Variants in TSPAN5 observed in about 807,000 individuals in gnomAD.
TSPAN5 encodes the protein tetraspanin 5.
A neutral mutation model predicts 37.1 loss-of-function variants in TSPAN5; 10 were observed. The ratio of observed to expected loss-of-function variants is 0.27; its 90% CI spans 0.17 to 0.46. The LOEUF (loss-of-function observed/expected upper bound fraction) is 0.46. Among genes scored for constraint, TSPAN5 ranks in the 20% least tolerant of loss-of-function variants. The pLI is 1.00. For missense variants in TSPAN5, 195 were observed against 326.6 expected, an observed-to-expected ratio of 0.60 and a Z score of 3.11; for synonymous variants, 110 against 118.9, an observed-to-expected ratio of 0.93 and a Z score of 0.48.
chr4:98,628,432 T>A (rs1756657759), intron 1 of TSPAN5, among the ~76,000 whole-genome samples: 2 of 152,234 alleles, frequency 1.3e-5, no homozygotes, highest in Admixed American at 6.5e-5. Context: ...CCTACTTTCC[T>A]CTGTAATGTG....
At chr4:98,635,584 T>C (rs1036693751) in intron 1 of TSPAN5, among the ~76,000 whole-genome samples, 1 of 152,212 alleles carries the variant, frequency 6.6e-6, no homozygotes, top group Non-Finnish European at 1.5e-5. Flanking sequence ...CGATTTATCC[T>C]TTAGAAGACA....
intron 1 of TSPAN5, among the ~76,000 whole-genome samples, chr4:98,554,523 C>T (rs973700894): frequency 6.6e-6 from 1 of 152,194 alleles, no homozygotes; most frequent in Non-Finnish European, 1.5e-5. Context: ...CCATTGTACA[C>T]AATCATCATT....
At chr4:98,543,837 T>A (rs1004165791) in intron 1 of TSPAN5, among the ~76,000 whole-genome samples, 10 of 152,136 alleles carry the variant, frequency 6.6e-5, no homozygotes, top group African/African-American at 2.4e-4. Flanking sequence ...GACATTTGAT[T>A]TATCCATCCT....
At chr4:98,657,229 A>G (rs561838835) in intron 1 of TSPAN5, among the ~76,000 whole-genome samples, 1 of 152,324 alleles carries the variant, frequency 6.6e-6, no homozygotes, top group South Asian at 2.1e-4. Context: ...AAACAAAAAG[A>G]GTAGGCGTCC....
chr4:98,547,782 G>C (rs1303108228), intron 1 of TSPAN5, among the ~76,000 whole-genome samples: 1 of 151,944 alleles, frequency 6.6e-6, no homozygotes, highest in Non-Finnish European at 1.5e-5. Flanking sequence ...CGAGGTAGAC[G>C]GATCACTTGA....
At chr4:98,509,482 T>A (rs1305633146) in intron 1 of TSPAN5, among the ~76,000 whole-genome samples, 1 of 152,162 alleles carries the variant, frequency 6.6e-6, no homozygotes, top group African/African-American at 2.4e-5. Context: ...CCCGAAGCTC[T>A]CGACACTCAT....
chr4:98,629,389 C>G (rs1267153576), intron 1 of TSPAN5, among the ~76,000 whole-genome samples: 1 of 152,212 alleles, frequency 6.6e-6, no homozygotes, highest in Non-Finnish European at 1.5e-5. Context: ...ATTAAATGAG[C>G]TGATACATAC....
chr4:98,475,142 T>C lies in TSPAN5; in HGVS notation c.741+1047A>G, dbSNP rs547941950. Among the ~76,000 whole-genome samples the C allele has an allele frequency of 6.6e-5, 10 of 152,362 alleles. No individual in the cohort carries two copies. In the South Asian group the frequency reaches 1.0e-3, roughly 16 times the overall value. On this transcript the variant is annotated intron_variant, in intron 7 of 7. Coordinates refer to ENST00000305798, the MANE Select transcript of TSPAN5 (RefSeq NM_005723.4). ...TACTTTTGCAAATTTGTTTTGGCTA[T>C]TATGGGTCCCTTGCTTTTCCATATG...
intron 1 of TSPAN5, among the ~76,000 whole-genome samples, chr4:98,549,522 A>G (rs1183357621): frequency 6.6e-6 from 1 of 152,074 alleles, no homozygotes; most frequent in African/African-American, 2.4e-5. Flanking sequence ...ACTGGTCTCA[A>G]ACTCCTGACC....
At chr4:98,483,024 C>G (rs985900480) in intron 3 of TSPAN5, 1 of 152,240 alleles carries the variant, frequency 6.6e-6, no homozygotes, top group Admixed American at 6.5e-5. Context: ...AGAGTCTCAG[C>G]TTAGTCATAT....
At position 98,507,744 on chromosome 4, in the gene TSPAN5, A is replaced by G; in HGVS notation, c.82-16T>C. 1 of 1,600,982 alleles carries G rather than the reference A, an allele frequency of 6.2e-7. No homozygotes were observed. Among genetic ancestry groups the G allele is most frequent in the Non-Finnish European group, 8.5e-7 (1 of 1,172,746 alleles). The stretch of plus-strand genomic sequence containing the variant: ...TTCCCAAAAACTGAAAAAGAAAGAA[A>G]GCAGTGTAAATATAAGGGAAAATGC... On this transcript the variant is annotated splice_polypyrimidine_tract_variant and intron_variant, in intron 1 of 7. Coordinates refer to ENST00000305798, the MANE Select transcript of TSPAN5 (RefSeq NM_005723.4).
intron 1 of TSPAN5, among the ~76,000 whole-genome samples, chr4:98,559,255 CAA>C (rs1754825349): frequency 6.6e-6 from 1 of 152,140 alleles, no homozygotes; most frequent in Non-Finnish European, 1.5e-5. Context: ...TCCAGTATTT[CAA>C]ATTTGGAAAT....
chr4:98,625,153 T>C (rs901885797), intron 1 of TSPAN5, among the ~76,000 whole-genome samples: 5 of 152,262 alleles, frequency 3.3e-5, no homozygotes, highest in East Asian at 1.9e-4. Context: ...TAGTTATTTA[T>C]GCCTAGTGTT....
intron 1 of TSPAN5, among the ~76,000 whole-genome samples, chr4:98,551,914 C>T (rs1754627028): frequency 6.6e-6 from 1 of 151,996 alleles, no homozygotes; most frequent in African/African-American, 2.4e-5. Flanking sequence ...CTGTGCAGGG[C>T]TTCTATTTCT....
intron 1 of TSPAN5, among the ~76,000 whole-genome samples, chr4:98,547,224 C>T (rs1362567492): frequency 1.3e-5 from 2 of 152,304 alleles, no homozygotes; most frequent in South Asian, 2.1e-4. Context: ...CTCCTCTCCC[C>T]GCCCAGGAAG....
chr4:98,612,936 GTGTTTTATT>G (rs1422259472), intron 1 of TSPAN5, among the ~76,000 whole-genome samples: 1 of 152,070 alleles, frequency 6.6e-6, no homozygotes, highest in Non-Finnish European at 1.5e-5. Flanking sequence ...CTCTTACCCC[GTGTTTTATT>G]TTTTCACCGT....
intron 1 of TSPAN5, among the ~76,000 whole-genome samples, chr4:98,529,067 G>A (rs925631581): frequency 3.2e-5 from 1 of 30,852 alleles, no homozygotes; most frequent in African/African-American, 2.5e-4. Flanking sequence ...TCCAAGCTCT[G>A]TACCACAAAT....
At chr4:98,535,708 T>G (rs1253389062) in intron 1 of TSPAN5, among the ~76,000 whole-genome samples, 1 of 152,210 alleles carries the variant, frequency 6.6e-6, no homozygotes, top group Non-Finnish European at 1.5e-5. Context: ...TAGTCCCATA[T>G]TTGTTGGAGG....
chr4:98,541,607 G>C (rs1419856789), intron 1 of TSPAN5, among the ~76,000 whole-genome samples: 2 of 151,354 alleles, frequency 1.3e-5, no homozygotes, highest in Admixed American at 6.6e-5. Context: ...CCCAGGAGGG[G>C]GAGGGTGCAG....
Sources: allele counts gnomAD v4.1 joint callset (sites outside exome capture counted in the v4.1 genomes callset), GRCh38; gene constraint gnomAD v4.1.1; transcripts MANE v1.5; gene names NCBI Gene and HGNC (gene_info 2026-07-23, HGNC 2026-07-21).